PRDM16: variants seen among roughly 807,000 people sequenced by gnomAD.
PRDM16 encodes histone-lysine N-methyltransferase PRDM16.
In PRDM16, 23 loss-of-function variants were observed where a neutral mutation model predicts 110.6. That is an observed-to-expected ratio of 0.21 (90% CI 0.15 to 0.29). The LOEUF is 0.29. PRDM16 is among the 10% of genes least tolerant of loss of function. PRDM16 has a pLI of 1.00. For missense variants in PRDM16, 1,615 were observed against 1,794.3 expected (o/e 0.90, Z 1.81); for synonymous variants, 799 against 781.8 (o/e 1.02, Z -0.37).
chr1:3,090,338 C>T (rs1642247583), intron 1 of PRDM16, among the ~76,000 whole-genome samples: 2 of 152,258 alleles, frequency 1.3e-5, no homozygotes, highest in South Asian at 2.1e-4. Flanking sequence ...AGCTGGGAGA[C>T]TCAGGCACTG....
chr1:3,173,958 C>A (rs1162521096), intron 1 of PRDM16, among the ~76,000 whole-genome samples: 1 of 152,182 alleles, frequency 6.6e-6, no homozygotes, highest in Non-Finnish European at 1.5e-5. Context: ...CGTGCTATGG[C>A]CCGTGCTATG....
intron 1 of PRDM16, among the ~76,000 whole-genome samples, chr1:3,087,725 CTT>C (rs1195056206): frequency 6.6e-6 from 1 of 152,284 alleles, no homozygotes; most frequent in South Asian, 2.1e-4. Flanking sequence ...TGGAATCACT[CTT>C]TTCAAAAATC....
rs959221579 is a variant in PRDM16 at position 3,213,987 on chromosome 1, G to A, written c.387+27513G>A. Among the ~76,000 whole-genome samples the A allele has an allele frequency of 6.6e-5, 10 of 152,044 alleles. No homozygotes were observed. Among genetic ancestry groups the A allele is most frequent in the African/African-American group, 1.9e-4 (8 of 41,376 alleles). ...GGCAAGCTGCGCCCAGACACATGTC[G>A]GAGTCTCGTGTGGCCACTGGGTCCG... On this transcript the variant is annotated intron_variant, in intron 2 of 16. Coordinates refer to ENST00000270722, the MANE Select transcript of PRDM16 (RefSeq NM_022114.4). This position sits in a 1 kb window ranked among gnomAD's most constrained non-coding sequence, Gnocchi z 5.3.
chr1:3,204,229 C>A (rs184592831), intron 2 of PRDM16, among the ~76,000 whole-genome samples: 2 of 152,288 alleles, frequency 1.3e-5, no homozygotes, highest in African/African-American at 4.8e-5. Context: ...GATACCCGTG[C>A]CCCTGTAGTG....
intron 1 of PRDM16, among the ~76,000 whole-genome samples, chr1:3,073,739 C>T (rs1171450067): frequency 6.6e-6 from 1 of 152,186 alleles, no homozygotes; most frequent in Non-Finnish European, 1.5e-5. Flanking sequence ...TCGCGGCCAA[C>T]TACCGCGGAG....
At position 3,437,977 on chromosome 1, in the gene PRDM16, C is replaced by G. The variant is rs1332271774; in HGVS notation, c.*4166C>G. 2 of 220,290 alleles carry G rather than the reference C, an allele frequency of 9.1e-6. No homozygotes were observed. The highest frequency in any genetic ancestry group is 1.8e-5 in the Non-Finnish European group (2 of 109,854). The allele number at this position is 220,290 out of a possible 1,614,324, so 13.6% of individuals were successfully genotyped here. On this transcript the variant is annotated 3_prime_UTR_variant, in exon 17 of 17. Transcript: ENST00000270722. Reference sequence around the variant, plus strand: ...TAAAGAATCCTCGCAGAATCACAGACCTGTGCCGCCCGCCACCTTCTGCCA... The same window carrying G: ...TAAAGAATCCTCGCAGAATCACAGAGCTGTGCCGCCCGCCACCTTCTGCCA...
At chr1:3,074,389 C>G (rs1179319303) in intron 1 of PRDM16, among the ~76,000 whole-genome samples, 1 of 151,964 alleles carries the variant, frequency 6.6e-6, no homozygotes, top group African/African-American at 2.4e-5. Flanking sequence ...CACAGGCTGC[C>G]GTTAATTCCA....
chr1:3,089,347 C>G (rs189146904), intron 1 of PRDM16, among the ~76,000 whole-genome samples: 4 of 152,354 alleles, frequency 2.6e-5, no homozygotes, highest in South Asian at 2.1e-4. Context: ...ACCCACCCCC[C>G]ACCGGGGCTG....
Position 3,412,703 on chromosome 1 carries a change from G to A in PRDM16, c.2506G>A (p.Gly836Ser), listed in dbSNP as rs114204766. ...CTATGGGGAACGCAAGCTGGGCGCC[G>A]GCGAGGGGCTGCCCCAGGTGTGCCC... ...HVYGERKLGA[G>S]EGLPQVCPAR... The change falls in exon 9 of 17, where the codon GGC becomes AGC. Residue 836 changes from glycine to serine, a missense_variant. Physicochemically the swap from Gly to Ser is moderately conservative, Grantham distance 56. Coordinates refer to ENST00000270722, the MANE Select transcript of PRDM16 (RefSeq NM_022114.4). 3.5e-4 allele frequency: 519 copies of A among 1,496,222 alleles called. 3 individuals are homozygous for A. The African/African-American group carries it at 5.4e-3, about 16-fold the overall frequency. 92.7% of individuals were successfully genotyped at this position (1,496,222 alleles called of 1,614,324 possible).
intron 2 of PRDM16, among the ~76,000 whole-genome samples, chr1:3,222,431 A>G (rs2651892): frequency 0.12 from 17,683 of 152,106 alleles, 2,536 homozygotes; most frequent in African/African-American, 0.34. Context: ...CGCCATGAGG[A>G]GTGGGGGCTC....
chr1:3,180,933 CACACACGCAGCCTT>C lies in PRDM16; in HGVS notation c.38-5181_38-5168del, dbSNP rs762640692. 1.7e-3 allele frequency among the ~76,000 whole-genome samples: 246 copies of C among 146,860 alleles called. 1 individual carries two copies. Among genetic ancestry groups the C allele is most frequent in the Non-Finnish European group, 2.6e-3 (174 of 67,262 alleles). ...TTACACGCAGCCTTACACACGCAGC[CACACACGCAGCCTT>C]ACACACGCAGTCTTACACACTCGGT... On this transcript the variant is annotated intron_variant, in intron 1 of 16. Coordinates refer to ENST00000270722, the MANE Select transcript of PRDM16 (RefSeq NM_022114.4).
In PRDM16 at chr1:3,412,989, C is replaced by A. The variant is rs553873656; in HGVS notation, c.2603+189C>A. Reference sequence around the variant, plus strand: ...TCAGGAGGGATGCCTGGCTTGGCTGCTCCTAAGCTAGGTGCCTGGCCCGGG... The same window carrying A: ...TCAGGAGGGATGCCTGGCTTGGCTGATCCTAAGCTAGGTGCCTGGCCCGGG... On this transcript the variant is annotated intron_variant, in intron 9 of 16. Transcript: ENST00000270722. 3.3e-5 allele frequency among the ~76,000 whole-genome samples: 5 copies of A among 152,322 alleles called. No homozygotes were observed. The South Asian group carries it at 1.0e-3, about 32-fold the overall frequency.
chr1:3,437,588 G>A lies in PRDM16; in HGVS notation c.*3777G>A. On this transcript the variant is annotated 3_prime_UTR_variant, in exon 17 of 17. Coordinates refer to ENST00000270722, the MANE Select transcript of PRDM16 (RefSeq NM_022114.4). ...AGCTGCTCCTGGTCAGTGGAGGTCA[G>A]CCGGGTATCAAAAGCCATGAAACTG... 4.4e-6 allele frequency: 1 copy of A among 228,786 alleles called. No individual in the cohort carries two copies. The highest frequency in any genetic ancestry group is 8.7e-6 in the Non-Finnish European group (1 of 115,224). The allele number at this position is 228,786 out of a possible 1,614,324, so 14.2% of individuals were successfully genotyped here.
At chr1:3,126,400 G>A (rs1046328562) in intron 1 of PRDM16, among the ~76,000 whole-genome samples, 3 of 152,218 alleles carry the variant, frequency 2.0e-5, no homozygotes, top group African/African-American at 4.8e-5. Context: ...GGGCAAGGCC[G>A]GAGGAGCTGG....
intron 2 of PRDM16, among the ~76,000 whole-genome samples, chr1:3,186,930 C>T (rs1267077083): frequency 3.3e-5 from 5 of 152,216 alleles, no homozygotes; most frequent in East Asian, 3.9e-4. Flanking sequence ...CCGCCTGCCC[C>T]GGTCAGCCAG....
At chr1:3,105,700 T>A (rs577563341) in intron 1 of PRDM16, among the ~76,000 whole-genome samples, 1 of 152,330 alleles carries the variant, frequency 6.6e-6, no homozygotes, top group African/African-American at 2.4e-5. Flanking sequence ...CCTCCCGCAG[T>A]AATTACATTC....
chr1:3,124,166 C>T (rs1211822038), intron 1 of PRDM16, among the ~76,000 whole-genome samples: 2 of 152,208 alleles, frequency 1.3e-5, no homozygotes, highest in South Asian at 2.1e-4. Flanking sequence ...GAGCTGGCCA[C>T]AGTGGCTCCT....
intron 2 of PRDM16, among the ~76,000 whole-genome samples, chr1:3,218,636 C>T (rs945032250): frequency 6.6e-6 from 1 of 152,224 alleles, no homozygotes; most frequent in African/African-American, 2.4e-5. Flanking sequence ...CTCTTTCTTT[C>T]TTTGTTCCAA....
chr1:3,326,628 G>A (rs1641916031), intron 3 of PRDM16, among the ~76,000 whole-genome samples: 2 of 152,164 alleles, frequency 1.3e-5, no homozygotes, highest in African/African-American at 4.8e-5. Flanking sequence ...CCATTTTCAT[G>A]AGTGCACCAC....
Sources: allele counts gnomAD v4.1 joint callset (sites outside exome capture counted in the v4.1 genomes callset), GRCh38; gene constraint gnomAD v4.1.1; non-coding constraint Gnocchi (gnomAD v3.1); transcripts MANE v1.5; gene names NCBI Gene and HGNC (gene_info 2026-07-23, HGNC 2026-07-21).